TLK1: variants seen among roughly 807,000 people sequenced by gnomAD.
TLK1 encodes serine/threonine-protein kinase tousled-like 1.
In TLK1, 24 loss-of-function variants were observed where a neutral mutation model predicts 105.3. The ratio of observed to expected loss-of-function variants is 0.23; its 90% CI spans 0.17 to 0.32. The LOEUF (loss-of-function observed/expected upper bound fraction) is 0.32, where lower values mean the gene tolerates loss of function less well. Among genes scored for constraint, TLK1 ranks in the 10% least tolerant of loss-of-function variants. The pLI, the probability that TLK1 is intolerant of heterozygous loss-of-function variation, is 1.00. For missense variants in TLK1, 558 were observed against 910.5 expected, an observed-to-expected ratio of 0.61 and a Z score of 4.98; for synonymous variants, 321 against 310.4, an observed-to-expected ratio of 1.03 and a Z score of -0.36.
At position 171,006,162 on chromosome 2, in the gene TLK1, C is replaced by T. The variant is rs1267848350; in HGVS notation, c.1889G>A (p.Gly630Glu). 6.3e-7 allele frequency: 1 copy of T among 1,595,096 alleles called. No individual in the cohort carries two copies. Among genetic ancestry groups the T allele is most frequent in the South Asian group, 1.2e-5 (1 of 86,778 alleles). Residue 630 changes from glycine (G) to glutamate (E), a missense_variant, in exon 18 of 21, where the codon GGG (glycine) becomes GAG (glutamate). Physicochemically the swap from Gly to Glu is moderately conservative, Grantham distance 98 (BLOSUM62 -2). Coordinates refer to ENST00000431350, the MANE Select transcript of TLK1 (RefSeq NM_012290.5). ...GVDGMDLTSQ[G>E]AGTYWYLPPE... Reference sequence around the variant, plus strand: ...ATACACTTACCAGTAAGTGCCTGCCCCCTGGGAAGTTAGATCCATTCCATC... The same window carrying T: ...ATACACTTACCAGTAAGTGCCTGCCTCCTGGGAAGTTAGATCCATTCCATC...
chr2:171,088,678 A>C (rs563538496), intron 2 of TLK1, among the ~76,000 whole-genome samples: 2 of 152,346 alleles, frequency 1.3e-5, no homozygotes, highest in East Asian at 3.9e-4. Context: ...GTAACACTGG[A>C]AGCTAGAAGA....
intron 18 of TLK1, 60 bp from the exon 19 acceptor site, chr2:170,997,883 C>T: frequency 2.9e-6 from 3 of 1,049,968 alleles, no homozygotes; most frequent in Non-Finnish European, 4.2e-6. Flanking sequence ...TTAAAATCTT[C>T]TAAGTGTAAA....
chr2:171,116,919 T>A (rs1254473818), intron 2 of TLK1, among the ~76,000 whole-genome samples: 1 of 152,152 alleles, frequency 6.6e-6, no homozygotes, highest in East Asian at 1.9e-4. Context: ...CCCTATGATC[T>A]AGCAATTGTA....
intron 1 of TLK1, among the ~76,000 whole-genome samples, chr2:171,187,560 TAGAC>T (rs1418756965): frequency 2.0e-5 from 3 of 152,238 alleles, no homozygotes; most frequent in South Asian, 2.1e-4. Flanking sequence ...GCTGAAGTGT[TAGAC>T]AGAATTTTAA....
chr2:171,026,311 C>T lies in TLK1; in HGVS notation c.1236+2028G>A, dbSNP rs1173712891. On this transcript the variant is annotated intron_variant, in intron 12 of 20. Transcript: ENST00000431350. The stretch of plus-strand genomic sequence containing the variant: ...TATAATATTTGGACACTAAGTATAC[C>T]TTACTTTATAAAAGTGTTTTTCACA... 5.9e-5 allele frequency among the ~76,000 whole-genome samples: 9 copies of T among 152,124 alleles called. No individual in the cohort carries two copies. The East Asian group carries it at 1.7e-3, about 29-fold the overall frequency.
chr2:171,009,136 T>G (rs1178835472), intron 14 of TLK1, among the ~76,000 whole-genome samples: 1 of 152,106 alleles, frequency 6.6e-6, no homozygotes, highest in African/African-American at 2.4e-5. Context: ...GACCCTGACG[T>G]GTAATGCTTA....
At chr2:171,108,010 T>C (rs1243926001) in intron 2 of TLK1, among the ~76,000 whole-genome samples, 7 of 151,312 alleles carry the variant, frequency 4.6e-5, no homozygotes, top group Admixed American at 3.3e-4. Flanking sequence ...TGAGCCGAGA[T>C]TGCGTCACCG....
Position 171,145,587 on chromosome 2 carries a change from CT to C in TLK1, c.139+14702del, listed in dbSNP as rs767667839. On this transcript the variant is annotated intron_variant, in intron 1 of 20. Coordinates refer to ENST00000431350, the MANE Select transcript of TLK1 (RefSeq NM_012290.5). ...ACTGGGCAACAGGGTGAGACTCTGT[CT>C]CAAAAAAAAAAAAACAAAAAACAAA... Among the ~76,000 whole-genome samples the C allele has an allele frequency of 3.0e-5, 4 of 133,580 alleles. No individual in the cohort carries two copies. The Middle Eastern group carries it at 0.016, about 547-fold the overall frequency. The allele number at this position is 133,580 out of a possible 152,430, so 87.6% of individuals were successfully genotyped here.
At chr2:171,130,413 A>G (rs953083786) in intron 1 of TLK1, among the ~76,000 whole-genome samples, 12 of 152,120 alleles carry the variant, frequency 7.9e-5, no homozygotes, top group Admixed American at 7.2e-4. Flanking sequence ...GAAAAAAAAA[A>G]TCTTGGTAAT....
chr2:171,092,055 GAGATCCCACAATCA>G (rs886753134), intron 2 of TLK1, among the ~76,000 whole-genome samples: 13 of 151,658 alleles, frequency 8.6e-5, no homozygotes, highest in African/African-American at 3.1e-4. Flanking sequence ...TAATCCACTG[GAGATCCCACAATCA>G]AAAGGATGAG....
chr2:171,118,057 T>C (rs114689728), intron 1 of TLK1, among the ~76,000 whole-genome samples, 200 bp from the exon 2 acceptor site: 2,907 of 152,330 alleles, frequency 0.019, 33 homozygotes, highest in Admixed American at 0.029. Context: ...TCCAACACTT[T>C]TGGCTGCAAC....
rs1243750440 is a variant in TLK1 at position 171,219,806 on chromosome 2, G to T, written c.-6+11339C>A. Among the ~76,000 whole-genome samples, 2 of 152,120 alleles carry T rather than the reference G, an allele frequency of 1.3e-5. 1 individual carries two copies. Among genetic ancestry groups the T allele is most frequent in the Non-Finnish European group, 2.9e-5 (2 of 68,030 alleles). On this transcript the variant is annotated intron_variant, in intron 1 of 20. Coordinates refer to the TLK1 transcript ENST00000521943. ...AGTAGAAATAGGGTTTTGCCATGTT[G>T]GCCAGGCTAGTCTCAAACTCCTGAC...
At chr2:171,094,593 G>T (rs1443706104) in intron 2 of TLK1, among the ~76,000 whole-genome samples, 7 of 152,086 alleles carry the variant, frequency 4.6e-5, no homozygotes, top group East Asian at 3.8e-4. Flanking sequence ...GTAAGGGCAA[G>T]CAATACCCTC....
At chr2:171,065,541 C>CT (rs34975890) in intron 3 of TLK1, among the ~76,000 whole-genome samples, 18,515 of 140,240 alleles carry the variant, frequency 0.13, 1,603 homozygotes, top group African/African-American at 0.25. Flanking sequence ...GCTATTCTTT[C>CT]TTTTTTTTTT....
intron 18 of TLK1, among the ~76,000 whole-genome samples, chr2:170,998,279 A>T (rs1684180370): frequency 6.6e-6 from 1 of 152,216 alleles, no homozygotes; most frequent in African/African-American, 2.4e-5. Flanking sequence ...TTGTTCAAAC[A>T]ACTTCGACAG....
chr2:171,168,553 C>T (rs1296895829), intron 1 of TLK1, among the ~76,000 whole-genome samples: 1 of 151,590 alleles, frequency 6.6e-6, no homozygotes, highest in African/African-American at 2.4e-5. Context: ...AACATTCTCC[C>T]ATGGATTTGT....
Position 171,049,961 on chromosome 2 carries a change from GA to G in TLK1, c.844-12del, listed in dbSNP as rs764814529. 5 of 1,551,610 alleles carry G rather than the reference GA, an allele frequency of 3.2e-6. No homozygotes were observed. The highest frequency in any genetic ancestry group is 2.3e-5 in the East Asian group (1 of 44,234). On this transcript the variant is annotated splice_polypyrimidine_tract_variant and intron_variant, in intron 9 of 20. Transcript: ENST00000431350. ...CTTTTCTTGTGTACTCTGAAAAGGAGAAAAAAAATCATCACTCAATTGTATT... is the reference window on the plus strand; with the variant it reads ...CTTTTCTTGTGTACTCTGAAAAGGAGAAAAAAATCATCACTCAATTGTATT...
At chr2:171,012,769 G>A (rs1448534937) in intron 13 of TLK1, among the ~76,000 whole-genome samples, 1 of 151,950 alleles carries the variant, frequency 6.6e-6, no homozygotes, top group Non-Finnish European at 1.5e-5. Context: ...GAGCCACAAC[G>A]CCTGGCCAAA....
chr2:171,015,511 T>C (rs1685137481), intron 12 of TLK1, among the ~76,000 whole-genome samples: 1 of 148,888 alleles, frequency 6.7e-6, no homozygotes, highest in Non-Finnish European at 1.5e-5. Context: ...ACAAAAAATT[T>C]ATAGATTGCT....
Sources: gnomAD v4.1 joint callset for allele counts (sites outside exome capture counted in the v4.1 genomes callset) on GRCh38, gnomAD v4.1.1 for gene constraint, MANE v1.5 for transcripts, NCBI Gene and HGNC (gene_info 2026-07-23, HGNC 2026-07-21) for gene names.